The following COL4A6 variants were observed in gnomAD, a reference collection of about 807,000 sequenced individuals.
COL4A6 encodes collagen alpha-6(IV) chain.
In COL4A6, 59 loss-of-function variants were observed where a neutral mutation model predicts 126.7. The observed-to-expected ratio is 0.47, with a 90% CI of 0.38 to 0.58. The LOEUF is 0.58. Ranked by LOEUF, COL4A6 falls within the 20% of genes least tolerant of loss-of-function variation. COL4A6 has a pLI of 0.00. For missense variants in COL4A6, 1,285 were observed against 1,337.3 expected, an observed-to-expected ratio of 0.96 and a Z score of 0.61; for synonymous variants, 547 against 496.6, an observed-to-expected ratio of 1.10 and a Z score of -1.35.
chrX:108,384,856 CA>C (rs1374678778), intron 2 of COL4A6, among the ~76,000 whole-genome samples: 1 of 111,523 alleles, frequency 9.0e-6, no homozygotes, highest in Non-Finnish European at 1.9e-5. Flanking sequence ...AGAATGTTTT[CA>C]AAACTTACAC....
chrX:108,232,176 T>G (rs749342145), intron 3 of COL4A6, among the ~76,000 whole-genome samples: 1 of 112,110 alleles, frequency 8.9e-6, no homozygotes, highest in East Asian at 2.8e-4. Flanking sequence ...GAAGTGGAGA[T>G]GCCTAGATAG....
intron 3 of COL4A6, among the ~76,000 whole-genome samples, chrX:108,295,600 G>A (rs1280170179): frequency 1.8e-5 from 2 of 112,317 alleles, no homozygotes; most frequent in African/African-American, 3.2e-5. Flanking sequence ...TATGCAAATC[G>A]GACTAAACTT....
intron 13 of COL4A6, among the ~76,000 whole-genome samples, chrX:108,201,282 C>T (rs1478405476): frequency 9.0e-6 from 1 of 111,711 alleles, no homozygotes; most frequent in Admixed American, 9.5e-5. Flanking sequence ...CATCCATTTC[C>T]CACCTGATCC....
chrX:108,218,122 C>T (rs767695572), intron 5 of COL4A6, among the ~76,000 whole-genome samples: 6 of 112,255 alleles, frequency 5.3e-5, no homozygotes, highest in Non-Finnish European at 9.4e-5. Context: ...ACAGCCTTAG[C>T]CTCACAGGAT....
At chrX:108,432,375 C>T in intron 2 of COL4A6, among the ~76,000 whole-genome samples, 1 of 112,429 alleles carries the variant, frequency 8.9e-6, no homozygotes, top group Non-Finnish European at 1.9e-5. Context: ...AAACAACTAT[C>T]CTTTTAAAAA....
chrX:108,261,591 A>G (rs1470924962), intron 3 of COL4A6, among the ~76,000 whole-genome samples: 1 of 110,842 alleles, frequency 9.0e-6, no homozygotes, highest in Non-Finnish European at 1.9e-5. Flanking sequence ...TTTCCTAGTT[A>G]CTCTACTATC....
rs560130767 is a variant in COL4A6, at chrX:108,420,198, A to C, written c.63+17744T>G. Among the ~76,000 whole-genome samples the C allele has an allele frequency of 4.5e-5, 5 of 111,685 alleles. No individual in the cohort carries two copies. In the East Asian group the frequency reaches 1.1e-3, roughly 25 times the overall value. ...TAACTAGCCCCAATCAAAGCTGACCAATGGTGTATGAGAAAAAAGTGTCAT... is the reference window on the plus strand; with the variant it reads ...TAACTAGCCCCAATCAAAGCTGACCCATGGTGTATGAGAAAAAAGTGTCAT... On this transcript the variant is annotated intron_variant, in intron 2 of 44. Coordinates refer to ENST00000334504, the MANE Select transcript of COL4A6 (RefSeq NM_033641.4).
intron 32 of COL4A6, among the ~76,000 whole-genome samples, chrX:108,171,768 C>A (rs1212119371): frequency 8.9e-6 from 1 of 111,742 alleles, no homozygotes; most frequent in African/African-American, 3.3e-5. Flanking sequence ...AACAGTGATG[C>A]CAGCAAGAAT....
At chrX:108,420,802 G>T (rs930367677) in intron 2 of COL4A6, among the ~76,000 whole-genome samples, 1 of 111,358 alleles carries the variant, frequency 9.0e-6, no homozygotes. Context: ...AGAATAACTG[G>T]CCCCAGCCCA....
chrX:108,196,468 G>C (rs755769262), intron 14 of COL4A6, 43 bp downstream of exon 14: 1 of 1,128,123 alleles, frequency 8.9e-7, no homozygotes, highest in Admixed American at 2.3e-5. Context: ...AAATGGACTA[G>C]ATGACTTGAC....
rs1206561891 is a variant in COL4A6 at position 108,196,562 on chromosome X, T to C, written c.852A>G (p.Gly284=). The change falls in exon 14 of 45, where the codon GGA becomes GGG. Residue 284 remains glycine, a synonymous_variant. Transcript: ENST00000334504. Reference sequence around the variant, plus strand: ...CCTTTTCTCCCTTTTCTCCCTTTTCTCCAGTAGTTCCAAGGCCCTAAATGA... The same window carrying C: ...CCTTTTCTCCCTTTTCTCCCTTTTCCCCAGTAGTTCCAAGGCCCTAAATGA... ...PPGFPGLGTT[G]EKGEKGEKGI... 2.5e-6 allele frequency: 3 copies of C among 1,202,007 alleles called. No homozygotes were observed. Among genetic ancestry groups the C allele is most frequent in the Non-Finnish European group, 3.4e-6 (3 of 889,946 alleles).
intron 13 of COL4A6, among the ~76,000 whole-genome samples, chrX:108,200,448 C>A (rs760512641): frequency 8.9e-6 from 1 of 112,090 alleles, no homozygotes; most frequent in East Asian, 2.8e-4. Flanking sequence ...ACAGGACAGC[C>A]TTATATTTTG....
chrX:108,346,148 TAC>T lies in COL4A6; in HGVS notation c.64-35322_64-35321del, dbSNP rs776519355. ...ACCTTGCCACCTGGAGCCATGTGGA[TAC>T]TGCCTTCCCCTTGGAGAATATAGCC... On this transcript the variant is annotated intron_variant, in intron 2 of 44. Transcript: ENST00000334504. Among the ~76,000 whole-genome samples the T allele has an allele frequency of 2.1e-4, 23 of 111,791 alleles. No homozygotes were observed. In the East Asian group the frequency reaches 5.9e-3, roughly 29 times the overall value.
In COL4A6 at chrX:108,396,810, T is replaced by C. The variant is rs2040974845; in HGVS notation, c.63+41132A>G. Among the ~76,000 whole-genome samples the C allele has an allele frequency of 7.2e-5, 8 of 111,623 alleles. No individual in the cohort carries two copies. In the Admixed American group the frequency reaches 7.6e-4, roughly 11 times the overall value. On this transcript the variant is annotated intron_variant, in intron 2 of 44. Transcript: ENST00000334504. ...TCAATGTAATTTGACATGAGCTCCC[T>C]TTCTCTGCCTGTTCGATTTCTATGT...
chrX:108,400,799 C>T (rs1203964200), intron 2 of COL4A6, among the ~76,000 whole-genome samples: 1 of 111,478 alleles, frequency 9.0e-6, no homozygotes, highest in East Asian at 2.8e-4. Flanking sequence ...CTTTTACTCA[C>T]GTTGTAAATA....
intron 2 of COL4A6, among the ~76,000 whole-genome samples, chrX:108,377,691 A>C (rs1424489804): frequency 9.3e-6 from 1 of 107,909 alleles, no homozygotes; most frequent in African/African-American, 3.4e-5. Flanking sequence ...AGCATTTGGG[A>C]GGCCGAGGCA....
At chrX:108,173,307 C>T (rs1212829448) in intron 31 of COL4A6, among the ~76,000 whole-genome samples, 6 of 112,211 alleles carry the variant, frequency 5.3e-5, no homozygotes, top group African/African-American at 9.7e-5. Context: ...CTTCCTTGCC[C>T]GGCTTCATCA....
chrX:108,165,426 G>A lies in COL4A6; in HGVS notation c.3752C>T (p.Ser1251Leu). 1.7e-6 allele frequency: 2 copies of A among 1,207,128 alleles called. No individual in the cohort carries two copies. Among genetic ancestry groups the A allele is most frequent in the South Asian group, 3.6e-5 (2 of 55,684 alleles). ...LPGAPGISLPSLIAGQPGDPG... is the reference protein window; with the variant it reads ...LPGAPGISLPLLIAGQPGDPG... ...GTCACCAGGCTGTCCTGCTATGAGT[G>A]AGGGCAAGGAGATGCCTGGGGCACC... Residue 1251 changes from serine (S) to leucine (L), a missense_variant, in exon 38 of 45, where the codon TCA becomes TTA. Physicochemically the swap from Ser to Leu is moderately radical, Grantham distance 145. Coordinates refer to ENST00000334504, the MANE Select transcript of COL4A6 (RefSeq NM_033641.4).
chrX:108,192,857 G>A (rs1467374593), intron 17 of COL4A6, among the ~76,000 whole-genome samples: 3 of 112,591 alleles, frequency 2.7e-5, no homozygotes, highest in Non-Finnish European at 5.6e-5. Context: ...CCACTAATCT[G>A]CTGTAATGCC....
Sources: allele counts gnomAD v4.1 joint callset (sites outside exome capture counted in the v4.1 genomes callset), GRCh38; gene constraint gnomAD v4.1.1; transcripts MANE v1.5; gene names NCBI Gene and HGNC (gene_info 2026-07-23, HGNC 2026-07-21).